ZMYM1: variants seen among roughly 807,000 people sequenced by gnomAD.
The protein encoded by ZMYM1 is zinc finger MYM-type containing 1.
Under a neutral mutation model 60.0 loss-of-function variants are expected in ZMYM1, and 39 were observed. The observed-to-expected ratio is 0.65, with a 90% CI of 0.50 to 0.85. ZMYM1 has a LOEUF of 0.85. Among genes scored for constraint, ZMYM1 ranks in the 40% least tolerant of loss-of-function variants. The pLI, the probability that ZMYM1 is intolerant of heterozygous loss-of-function variation, is 0.00. For synonymous variants in ZMYM1, 413 were observed against 454.0 expected (o/e 0.91, Z 1.15); for missense variants, 1,171 against 1,309.5 (o/e 0.89, Z 1.63).
At chr1:35,104,154 T>G in intron 4 of ZMYM1, 141 bp from the exon 5 acceptor site, 3 of 699,430 alleles carry the variant, frequency 4.3e-6, no homozygotes, top group Non-Finnish European at 7.0e-6. Flanking sequence ...AGTATAAATG[T>G]GACAGAACTG....
chr1:35,085,490 C>T (rs1343429755), intron 1 of ZMYM1, among the ~76,000 whole-genome samples: 2 of 152,192 alleles, frequency 1.3e-5, no homozygotes, highest in Non-Finnish European at 1.5e-5. Flanking sequence ...GGTTAAGGTG[C>T]AGCTGATTCT....
At chr1:35,081,268 G>A (rs759010903) in intron 1 of ZMYM1, among the ~76,000 whole-genome samples, 8 of 152,160 alleles carry the variant, frequency 5.3e-5, no homozygotes, top group East Asian at 1.9e-4. Flanking sequence ...GGTATAATGC[G>A]AAGAAATAAG....
At chr1:35,071,160 T>TA (rs1402453635) in intron 1 of ZMYM1, among the ~76,000 whole-genome samples, 1 of 152,152 alleles carries the variant, frequency 6.6e-6, no homozygotes, top group Non-Finnish European at 1.5e-5. Context: ...GTGCTGGGAA[T>TA]ACAGGCATGA....
chr1:35,112,208 C>T (rs542068940), intron 9 of ZMYM1, 78 bp downstream of exon 9: 31 of 1,453,866 alleles, frequency 2.1e-5, no homozygotes, highest in Admixed American at 8.6e-5. Flanking sequence ...GACAGAGTCT[C>T]GCTCTGCCAC....
In ZMYM1 at chr1:35,104,756, C is replaced by T; in HGVS notation, c.794C>T (p.Thr265Ile). The T allele has an allele frequency of 6.2e-7, 1 of 1,612,748 alleles. No homozygotes were observed. The highest frequency in any genetic ancestry group is 8.5e-7 in the Non-Finnish European group (1 of 1,178,832). ...TACTTTAATAGTTCAAAGAGTATTACAGCATATAAGCAGGTATGAATAAAG... is the reference window on the plus strand; with the variant it reads ...TACTTTAATAGTTCAAAGAGTATTATAGCATATAAGCAGGTATGAATAAAG... ...SHYFNSSKSI[T>I]AYKQKPAKPL... Residue 265 changes from threonine (T) to isoleucine (I), a missense_variant, in exon 6 of 10, where the codon ACA becomes ATA. Coordinates refer to ENST00000359858, the MANE Select transcript of ZMYM1 (RefSeq NM_024772.5).
At chr1:35,105,938 CA>C (rs1198373202) in intron 6 of ZMYM1, among the ~76,000 whole-genome samples, 1 of 152,042 alleles carries the variant, frequency 6.6e-6, no homozygotes, top group Non-Finnish European at 1.5e-5. Context: ...ACTCTTACAC[CA>C]AACAATGCAA....
At chr1:35,098,332 G>T (rs1431420906) in intron 4 of ZMYM1, among the ~76,000 whole-genome samples, 1 of 152,150 alleles carries the variant, frequency 6.6e-6, no homozygotes, top group African/African-American at 2.4e-5. Context: ...GTGAGAATGT[G>T]TGAAGAATCA....
rs563300979 is a variant in ZMYM1 at position 35,110,574 on chromosome 1, T to C, written c.961+127T>C. 5 of 818,974 alleles carry C rather than the reference T, an allele frequency of 6.1e-6. No homozygotes were observed. The East Asian group carries it at 1.7e-4, about 29-fold the overall frequency. The allele number at this position is 818,974 out of a possible 1,614,324, so 50.7% of individuals were successfully genotyped here. The stretch of plus-strand genomic sequence containing the variant: ...TTTAAAAGTCAAAACAATCTAAACT[T>C]GTTGCAAAGAACTGTTTTTCAGTAT... On this transcript the variant is annotated intron_variant, in intron 7 of 9. Transcript: ENST00000359858.
rs1268666276 is a variant in ZMYM1 at position 35,113,145 on chromosome 1, C to A, written c.1315C>A (p.His439Asn). The A allele has an allele frequency of 1.9e-6, 3 of 1,613,826 alleles. No individual in the cohort carries two copies. The South Asian group carries it at 3.3e-5, about 18-fold the overall frequency. Residue 439 changes from histidine to asparagine, a missense_variant, in exon 10 of 10, where the codon CAC becomes AAC. By Grantham distance (68) the His-to-Asn change is moderately conservative. Transcript: ENST00000359858. ...KSMKISDELCHPKCTSKVQKV... is the reference protein window; with the variant it reads ...KSMKISDELCNPKCTSKVQKV... ...TATGAAAATAAGTGATGAACTATGT[C>A]ACCCAAAATGTACATCCAAAGTACA...
At chr1:35,112,879 C>G (rs1204716005) in intron 9 of ZMYM1, 98 bp from the exon 10 acceptor site, 1 of 1,130,472 alleles carries the variant, frequency 8.8e-7, no homozygotes, top group Non-Finnish European at 1.2e-6. Flanking sequence ...TACTGTAACT[C>G]AGCCATTTAT....
At chr1:35,067,156 T>C (rs1474524693) in intron 1 of ZMYM1, among the ~76,000 whole-genome samples, 1 of 151,424 alleles carries the variant, frequency 6.6e-6, no homozygotes. Flanking sequence ...TTTTTGTATT[T>C]TTAGTAGAGA....
At chr1:35,117,442 C>A (rs1485960664), downstream of ZMYM1, among the ~76,000 whole-genome samples, 1 of 151,994 alleles carries the variant, frequency 6.6e-6, no homozygotes, top group South Asian at 2.1e-4. Context: ...GCCTCAGCTT[C>A]CCAAGTATAT....
chr1:35,097,565 A>G lies in ZMYM1; in HGVS notation c.418A>G (p.Lys140Glu). The change falls in exon 4 of 10, where the codon AAA (lysine) becomes GAA (glutamate). Residue 140 changes from lysine to glutamate, a missense_variant and splice_region_variant. Transcript: ENST00000359858. ...TAAGAGAACTTGTTCAAACTGCTCA[A>G]AGTATATAATTCTAAATTATGCCCC... ...PSKRTCSNCS[K>E]DILNPKDVIS... 6.2e-7 allele frequency: 1 copy of G among 1,614,112 alleles called. No homozygotes were observed. Among genetic ancestry groups the G allele is most frequent in the Non-Finnish European group, 8.5e-7 (1 of 1,179,950 alleles).
At chr1:35,084,140 C>T (rs114362705) in intron 1 of ZMYM1, among the ~76,000 whole-genome samples, 2,256 of 151,728 alleles carry the variant, frequency 0.015, 52 homozygotes, top group African/African-American at 0.05. Flanking sequence ...GAATTCTTAA[C>T]TTCCTCACTG....
chr1:35,117,738 C>G (rs570248440), downstream of ZMYM1, among the ~76,000 whole-genome samples: 597 of 151,836 alleles, frequency 3.9e-3, no homozygotes, highest in Non-Finnish European at 6.7e-3. Flanking sequence ...GTCGGGAGTT[C>G]AAGACCAGCC....
Position 35,104,720 on chromosome 1 carries a change from G to A in ZMYM1, c.758G>A (p.Gly253Glu). Residue 253 changes from glycine (G) to glutamate (E), a missense_variant, in exon 6 of 10, where the codon GGA becomes GAA. By Grantham distance (98) the Gly-to-Glu change is moderately conservative. Transcript: ENST00000359858. Reference sequence around the variant, plus strand: ...CTGTCCCACATACTTCAGATGGAAGGACAGTCTCATTACTTTAATAGTTCA... The same window carrying A: ...CTGTCCCACATACTTCAGATGGAAGAACAGTCTCATTACTTTAATAGTTCA... ...SSLSHILQME[G>E]QSHYFNSSKS... 1 of 1,614,182 alleles carries A rather than the reference G, an allele frequency of 6.2e-7. No homozygotes were observed. The highest frequency in any genetic ancestry group is 8.5e-7 in the Non-Finnish European group (1 of 1,180,020).
In ZMYM1 at chr1:35,090,142, G is replaced by A. The variant is rs191942606; in HGVS notation, c.-74-3772G>A. Among the ~76,000 whole-genome samples the A allele has an allele frequency of 3.6e-3, 546 of 151,996 alleles. 2 individuals carry two copies. Among genetic ancestry groups the A allele is most frequent in the African/African-American group, 0.013 (521 of 41,478 alleles). Reference sequence around the variant, plus strand: ...AGGATGGCCTCGATCTCCTGACCTCGTGATCCACCCACCTCGGCCTCCCCA... The same window carrying A: ...AGGATGGCCTCGATCTCCTGACCTCATGATCCACCCACCTCGGCCTCCCCA... On this transcript the variant is annotated intron_variant, in intron 1 of 9. Transcript: ENST00000359858.
chr1:35,102,846 T>A (rs1425551967), intron 4 of ZMYM1, among the ~76,000 whole-genome samples: 4 of 151,898 alleles, frequency 2.6e-5, no homozygotes, highest in Non-Finnish European at 5.9e-5. Context: ...TCACACGGAA[T>A]TTTTTTTTCT....
intron 1 of ZMYM1, among the ~76,000 whole-genome samples, chr1:35,086,738 G>C (rs1642675356): frequency 6.6e-6 from 1 of 151,198 alleles, no homozygotes; most frequent in South Asian, 2.1e-4. Context: ...TTGAGCGACA[G>C]TGAGCTTGAT....
Sources: allele counts gnomAD v4.1 joint callset (sites outside exome capture counted in the v4.1 genomes callset), GRCh38; gene constraint gnomAD v4.1.1; transcripts MANE v1.5; gene names NCBI Gene and HGNC (gene_info 2026-07-23, HGNC 2026-07-21).